The following VRK2 variants were observed in gnomAD, a reference collection of about 807,000 sequenced individuals.
VRK2 encodes serine/threonine-protein kinase VRK2.
VRK2 carries 60 observed loss-of-function variants against 57.6 expected under a neutral mutation model. That is an observed-to-expected ratio of 1.04 (90% CI 0.85 to 1.29). The LOEUF (loss-of-function observed/expected upper bound fraction) is 1.29, where lower values mean the gene tolerates loss of function less well. Ranked by LOEUF, VRK2 falls within the 50% of genes most tolerant of loss-of-function variation. The pLI, the probability that VRK2 is intolerant of heterozygous loss-of-function variation, is 0.00. For synonymous variants in VRK2, 231 were observed against 199.2 expected, an observed-to-expected ratio of 1.16 and a Z score of -1.35; for missense variants, 705 against 588.1, an observed-to-expected ratio of 1.20 and a Z score of -2.06.
At chr2:58,084,726 AT>A (rs1048055520) in intron 3 of VRK2, among the ~76,000 whole-genome samples, 154 bp from the exon 4 acceptor site, 3 of 151,842 alleles carry the variant, frequency 2.0e-5, no homozygotes, top group African/African-American at 7.2e-5. Flanking sequence ...GTTTTCTGAG[AT>A]TTTTAGTGGA....
chr2:58,137,197 T>TATCATATATATGATAC (rs1484234770), intron 10 of VRK2, among the ~76,000 whole-genome samples: 1 of 101,784 alleles, frequency 9.8e-6, no homozygotes, highest in African/African-American at 6.0e-5. Context: ...ATGATACATA[T>TATCATATATATGATAC]ATATCTCATA....
At chr2:57,908,197 TG>T (rs1338806522) in intron 1 of VRK2, among the ~76,000 whole-genome samples, 6 of 152,222 alleles carry the variant, frequency 3.9e-5, no homozygotes, top group Non-Finnish European at 8.8e-5. Context: ...ACATCGTATG[TG>T]GTTTTATCTT....
intron 2 of VRK2, among the ~76,000 whole-genome samples, chr2:58,050,386 GAT>G (rs1675534025): frequency 6.6e-6 from 1 of 152,138 alleles, no homozygotes; most frequent in African/African-American, 2.4e-5. Flanking sequence ...ACTATGTGAG[GAT>G]AAGTATTGTT....
At chr2:57,927,922 T>C (rs1670593003) in intron 1 of VRK2, among the ~76,000 whole-genome samples, 1 of 152,196 alleles carries the variant, frequency 6.6e-6, no homozygotes, top group Admixed American at 6.5e-5. Flanking sequence ...TGTATTGAAG[T>C]TCCTTCCTAT....
chr2:58,147,069 T>C, intron 12 of VRK2: 5 of 467,754 alleles, frequency 1.1e-5, no homozygotes, highest in Non-Finnish European at 2.1e-5. Flanking sequence ...CACCATCATT[T>C]CCCCCAAATG....
intron 1 of VRK2, among the ~76,000 whole-genome samples, chr2:57,935,163 T>C (rs1438123485): frequency 6.6e-6 from 1 of 152,224 alleles, no homozygotes; most frequent in East Asian, 1.9e-4. Flanking sequence ...AGGTCTTGCA[T>C]TGCTGTCTTT....
intron 1 of VRK2, among the ~76,000 whole-genome samples, chr2:57,945,784 T>C (rs1671244458): frequency 6.6e-6 from 1 of 152,054 alleles, no homozygotes; most frequent in African/African-American, 2.4e-5. Context: ...GAAGAGATAA[T>C]AAATATTTGA....
chr2:58,026,556 A>G (rs1673934857), intron 2 of VRK2, among the ~76,000 whole-genome samples: 2 of 152,180 alleles, frequency 1.3e-5, no homozygotes, highest in Non-Finnish European at 2.9e-5. Context: ...TAGCATTTTA[A>G]AAGAGTATGG....
At chr2:58,030,829 A>T (rs932412864) in intron 2 of VRK2, among the ~76,000 whole-genome samples, 2 of 152,072 alleles carry the variant, frequency 1.3e-5, no homozygotes, top group Non-Finnish European at 2.9e-5. Flanking sequence ...GGCTGGTAAG[A>T]AGAGGCAATG....
At chr2:58,155,115 G>A (rs928341123) in intron 12 of VRK2, among the ~76,000 whole-genome samples, 3 of 152,082 alleles carry the variant, frequency 2.0e-5, no homozygotes, top group Admixed American at 6.6e-5. Context: ...TGGGGGTGAA[G>A]TAGTCTATAA....
intron 7 of VRK2, 128 bp from the exon 8 acceptor site, chr2:58,122,973 C>T: frequency 1.7e-6 from 2 of 1,168,322 alleles, no homozygotes; most frequent in Non-Finnish European, 2.3e-6. Flanking sequence ...TATCCTAAGG[C>T]ACCATTTGGT....
chr2:57,985,019 G>A (rs942924234), intron 1 of VRK2, among the ~76,000 whole-genome samples: 8 of 151,830 alleles, frequency 5.3e-5, no homozygotes, highest in African/African-American at 1.2e-4. Flanking sequence ...AAGTCATTAC[G>A]CAAATTTGTT....
chr2:57,997,804 T>C (rs1298533213), intron 1 of VRK2, among the ~76,000 whole-genome samples: 1 of 150,682 alleles, frequency 6.6e-6, no homozygotes, highest in Non-Finnish European at 1.5e-5. Flanking sequence ...CTGAAGTGGG[T>C]GGGAGTCAGG....
At chr2:57,932,117 T>C (rs1361073624) in intron 1 of VRK2, among the ~76,000 whole-genome samples, 1 of 152,130 alleles carries the variant, frequency 6.6e-6, no homozygotes, top group Non-Finnish European at 1.5e-5. Flanking sequence ...CTTTTGTGTT[T>C]TCATACAAAT....
At chr2:58,117,469 G>C (rs919086761) in intron 7 of VRK2, among the ~76,000 whole-genome samples, 1 of 151,504 alleles carries the variant, frequency 6.6e-6, no homozygotes, top group Non-Finnish European at 1.5e-5. Context: ...GAGGGGAGAG[G>C]TCACATGGGT....
chr2:57,962,945 A>G (rs1235405338), intron 1 of VRK2, among the ~76,000 whole-genome samples: 18 of 152,222 alleles, frequency 1.2e-4, no homozygotes. Context: ...ATGAGGGATA[A>G]GAGGCAGCAT....
intron 2 of VRK2, among the ~76,000 whole-genome samples, chr2:58,077,650 G>A (rs1424209474): frequency 6.6e-6 from 1 of 151,938 alleles, no homozygotes; most frequent in Admixed American, 6.6e-5. Flanking sequence ...GTAATTTTCT[G>A]GGAGACTTCT....
intron 1 of VRK2, among the ~76,000 whole-genome samples, chr2:57,947,579 G>T (rs1411055003): frequency 6.6e-6 from 1 of 152,110 alleles, no homozygotes. Context: ...CACCCAGAGG[G>T]TACTGTAAAC....
At chr2:58,071,815 C>T (rs1175300262) in intron 2 of VRK2, among the ~76,000 whole-genome samples, 1 of 151,960 alleles carries the variant, frequency 6.6e-6, no homozygotes, top group Non-Finnish European at 1.5e-5. Flanking sequence ...TTGATATCCA[C>T]AACATAACTT....
Sources: gnomAD v4.1 joint callset for allele counts (sites outside exome capture counted in the v4.1 genomes callset) on GRCh38, gnomAD v4.1.1 for gene constraint, MANE v1.5 for transcripts, NCBI Gene and HGNC (gene_info 2026-07-23, HGNC 2026-07-21) for gene names.